Variants in SYNJ2 observed in about 807,000 individuals in gnomAD.
SYNJ2 encodes synaptojanin 2, also known as polyphosphatidylinositol phosphatase SYNJ2.
In SYNJ2, 116 loss-of-function variants were observed where a neutral mutation model predicts 141.3. That is an observed-to-expected ratio of 0.82 (90% CI 0.71 to 0.96). SYNJ2 has a LOEUF of 0.96. Ranked by LOEUF, SYNJ2 falls within the 40% of genes least tolerant of loss-of-function variation. The pLI is 0.00. For missense variants in SYNJ2, 1,873 were observed against 1,934.8 expected, an observed-to-expected ratio of 0.97 and a Z score of 0.60; for synonymous variants, 745 against 777.7, an observed-to-expected ratio of 0.96 and a Z score of 0.70.
intron 4 of SYNJ2, among the ~76,000 whole-genome samples, chr6:158,042,752 G>C (rs541790563): frequency 6.6e-6 from 1 of 152,288 alleles, no homozygotes; most frequent in African/African-American, 2.4e-5. Flanking sequence ...TTAACTGAGT[G>C]GTGTGTTTAA....
chr6:157,982,211 G>A lies in SYNJ2; in HGVS notation c.127+123G>A. The A allele has an allele frequency of 2.5e-6, 3 of 1,198,304 alleles. No individual in the cohort carries two copies. The Admixed American group carries it at 1.3e-4, about 51-fold the overall frequency. The allele number at this position is 1,198,304 out of a possible 1,614,324, so 74.2% of individuals were successfully genotyped here. A position where few individuals can be genotyped will look rare whatever the true frequency, so the allele number is the denominator to read the frequency against. ...GCGGCGCTGGGACTGCCGGGGCGTAGGGGTCGCGCGCAGAGGGGTGGCTGT... is the reference window on the plus strand; with the variant it reads ...GCGGCGCTGGGACTGCCGGGGCGTAAGGGTCGCGCGCAGAGGGGTGGCTGT... On this transcript the variant is annotated intron_variant, in intron 1 of 26. Transcript: ENST00000355585. The surrounding 1 kb of genome is among the most constrained non-coding windows in gnomAD (Gnocchi z 4.0).
intron 1 of SYNJ2, among the ~76,000 whole-genome samples, chr6:158,009,107 C>T (rs1778171731): frequency 6.6e-6 from 1 of 152,240 alleles, no homozygotes; most frequent in Non-Finnish European, 1.5e-5. Context: ...GGTCCGCATT[C>T]AGATGTCACC....
At chr6:157,986,015 G>C (rs1320370488) in intron 1 of SYNJ2, among the ~76,000 whole-genome samples, 1 of 152,214 alleles carries the variant, frequency 6.6e-6, no homozygotes, top group African/African-American at 2.4e-5. Flanking sequence ...GGCAGAGCAG[G>C]ACTCAGTCTG....
Position 157,982,932 on chromosome 6 carries a change from T to A in SYNJ2, c.127+844T>A, listed in dbSNP as rs1380316535. ...GGGTCCCTTGTTTTGTGCTAACCAT[T>A]ATAAGGAAAACCTGGGTAGCACCAA... On this transcript the variant is annotated intron_variant, in intron 1 of 26. Transcript: ENST00000355585. The surrounding 1 kb of genome is among the most constrained non-coding windows in gnomAD (Gnocchi z 4.0). Among the ~76,000 whole-genome samples, 1 of 152,174 alleles carries A rather than the reference T, an allele frequency of 6.6e-6. No homozygotes were observed. Among genetic ancestry groups the A allele is most frequent in the African/African-American group, 2.4e-5 (1 of 41,426 alleles).
At position 158,004,341 on chromosome 6, in the gene SYNJ2, C is replaced by T. The variant is rs527336252; in HGVS notation, c.128-12863C>T. On this transcript the variant is annotated intron_variant, in intron 1 of 26. Coordinates refer to ENST00000355585, the MANE Select transcript of SYNJ2 (RefSeq NM_003898.4). Reference sequence around the variant, plus strand: ...GTTGTGGTACAGAAGCCGGCCAAAACCCACCAAAACCAAGATGGCAATGAA... The same window carrying T: ...GTTGTGGTACAGAAGCCGGCCAAAATCCACCAAAACCAAGATGGCAATGAA... Among the ~76,000 whole-genome samples, 53 of 152,276 alleles carry T rather than the reference C, an allele frequency of 3.5e-4. 1 individual carries two copies. In the East Asian group the frequency reaches 9.6e-3, roughly 28 times the overall value.
Position 158,010,037 on chromosome 6 carries a change from C to T in SYNJ2, c.128-7167C>T, listed in dbSNP as rs575319234. On this transcript the variant is annotated intron_variant, in intron 1 of 26. Coordinates refer to ENST00000355585, the MANE Select transcript of SYNJ2 (RefSeq NM_003898.4). ...GCTCAAGCAATCCTGCTATCTCAGCCTCCCAAGTAGCTGGGACCACAGGTT... is the reference window on the plus strand; with the variant it reads ...GCTCAAGCAATCCTGCTATCTCAGCTTCCCAAGTAGCTGGGACCACAGGTT... Among the ~76,000 whole-genome samples, 842 of 152,332 alleles carry T rather than the reference C, an allele frequency of 5.5e-3. 7 individuals carry two copies. Among genetic ancestry groups the T allele is most frequent in the Non-Finnish European group, 9.8e-3 (669 of 68,036 alleles).
At chr6:158,094,091 GA>G in intron 26 of SYNJ2, 1 of 690,372 alleles carries the variant, frequency 1.4e-6, no homozygotes, top group South Asian at 1.6e-5. Flanking sequence ...TAGAGAGTGT[GA>G]GGGGGGCTTC....
chr6:158,087,875 CTTTTTTT>C (rs749329722), intron 23 of SYNJ2, among the ~76,000 whole-genome samples: 1 of 94,502 alleles, frequency 1.1e-5, no homozygotes, highest in Non-Finnish European at 2.2e-5. Flanking sequence ...CAACATACTT[CTTTTTTT>C]TTTTTTTTTT....
intron 1 of SYNJ2, among the ~76,000 whole-genome samples, chr6:157,985,540 G>A (rs1468410030): frequency 6.6e-6 from 1 of 152,168 alleles, no homozygotes; most frequent in Non-Finnish European, 1.5e-5. Flanking sequence ...AGCATCCCTG[G>A]CCAACAATCC....
At chr6:157,996,223 C>T (rs1028373580) in intron 1 of SYNJ2, among the ~76,000 whole-genome samples, 4 of 152,114 alleles carry the variant, frequency 2.6e-5, no homozygotes, top group African/African-American at 7.2e-5. Flanking sequence ...GTCATTCTGA[C>T]GCCCCTTCCT....
rs183272327 is a variant in SYNJ2 at position 158,066,599 on chromosome 6, G to A, written c.1681G>A (p.Asp561Asn). The change falls in exon 12 of 27, where the codon GAC becomes AAC. Residue 561 changes from aspartate to asparagine, a missense_variant. Asp to Asn is a conservative substitution (Grantham distance 23). Transcript: ENST00000355585. ...RTAELTDWLL[D>N]SPQLSGATDS... ...GGCGGAGCTGACAGACTGGCTGCTC[G>A]ACTCGCCCCAGCTCTCGGGAGCTAC... 1.9e-5 allele frequency: 31 copies of A among 1,613,910 alleles called. No individual in the cohort carries two copies. The highest frequency in any genetic ancestry group is 1.1e-4 in the African/African-American group (8 of 75,048).
chr6:158,065,442 C>G (rs1781507268), intron 11 of SYNJ2, among the ~76,000 whole-genome samples: 1 of 152,108 alleles, frequency 6.6e-6, no homozygotes, highest in African/African-American at 2.4e-5. Flanking sequence ...ATGCTGTCAT[C>G]CCCTGGGGAT....
chr6:158,092,823 C>T (rs1783550794), intron 25 of SYNJ2, 103 bp from the exon 26 acceptor site: 2 of 1,128,546 alleles, frequency 1.8e-6, no homozygotes, highest in African/African-American at 1.6e-5. Flanking sequence ...CTGAAATACA[C>T]TGAATTAGTA....
Position 158,043,465 on chromosome 6 carries a change from C to A in SYNJ2, c.795+66C>A. The A allele has an allele frequency of 1.7e-6, 2 of 1,178,290 alleles. No individual in the cohort carries two copies. The highest frequency in any genetic ancestry group is 1.5e-5 in the African/African-American group (1 of 65,782). The allele number at this position is 1,178,290 out of a possible 1,614,324, so 73.0% of individuals were successfully genotyped here. The stretch of plus-strand genomic sequence containing the variant: ...TCCGCCCTGCCCTTCCCTTCAATAG[C>A]TGGGGAAGATTTCTTTTAACACGTT... On this transcript the variant is annotated intron_variant, in intron 5 of 26. Coordinates refer to ENST00000355585, the MANE Select transcript of SYNJ2 (RefSeq NM_003898.4). The surrounding 1 kb of genome is among the most constrained non-coding windows in gnomAD (Gnocchi z 4.0).
chr6:158,093,943 A>G (rs1308622399), intron 26 of SYNJ2: 5 of 765,288 alleles, frequency 6.5e-6, no homozygotes, highest in Non-Finnish European at 1.2e-5. Flanking sequence ...CTTCAAAGAC[A>G]TGAGTTTGTA....
At chr6:158,089,415 A>G (rs1042018454) in intron 24 of SYNJ2, among the ~76,000 whole-genome samples, 1 of 152,154 alleles carries the variant, frequency 6.6e-6, no homozygotes, top group African/African-American at 2.4e-5. Flanking sequence ...ACTGGAGGCC[A>G]GTGTTTTACA....
chr6:157,989,426 G>GAATATA (rs1777326823), intron 1 of SYNJ2, among the ~76,000 whole-genome samples: 1 of 39,072 alleles, frequency 2.6e-5, no homozygotes, highest in Non-Finnish European at 5.6e-5. Flanking sequence ...GTAAAAAAAT[G>GAATATA]AATATATATA....
chr6:158,089,021 T>TTC (rs1263424731), intron 24 of SYNJ2, among the ~76,000 whole-genome samples: 2 of 152,164 alleles, frequency 1.3e-5, no homozygotes, highest in Non-Finnish European at 1.5e-5. Context: ...ACTCATCCAT[T>TTC]TCTCTCTCTT....
chr6:157,981,777 C>T (rs1777018629), upstream of SYNJ2: 1 of 471,254 alleles, frequency 2.1e-6, no homozygotes, highest in Non-Finnish European at 3.3e-6. This position sits in a 1 kb window ranked among gnomAD's most constrained non-coding sequence, Gnocchi z 6.4. Flanking sequence ...TCACCTGCCC[C>T]AGGCTGGGGA....
Sources: gnomAD v4.1 joint callset for allele counts (sites outside exome capture counted in the v4.1 genomes callset) on GRCh38, gnomAD v4.1.1 for gene constraint, Gnocchi (gnomAD v3.1) non-coding constraint, MANE v1.5 for transcripts, NCBI Gene and HGNC (gene_info 2026-07-23, HGNC 2026-07-21) for gene names.